The following TRAF3IP1 variants were observed in gnomAD, a reference collection of about 807,000 sequenced individuals.
TRAF3IP1 encodes the protein TRAF3-interacting protein 1.
In TRAF3IP1, 53 loss-of-function variants were observed where a neutral mutation model predicts 89.9. The observed-to-expected ratio is 0.59, with a 90% CI of 0.47 to 0.74. TRAF3IP1 has a LOEUF of 0.74. Ranked by LOEUF, TRAF3IP1 falls within the 30% of genes least tolerant of loss-of-function variation. The probability of loss-of-function intolerance (pLI) is 0.00; values close to 1 mark genes in which losing one functional copy is unlikely to be tolerated. For synonymous variants in TRAF3IP1, 311 were observed against 322.1 expected, an observed-to-expected ratio of 0.97 and a Z score of 0.37; for missense variants, 806 against 866.1, an observed-to-expected ratio of 0.93 and a Z score of 0.87.
At chr2:238,368,310 T>G (rs1699971023) in intron 15 of TRAF3IP1, among the ~76,000 whole-genome samples, 2 of 152,300 alleles carry the variant, frequency 1.3e-5, no homozygotes, top group Admixed American at 1.3e-4. Flanking sequence ...TATTTTAGAG[T>G]AAAGAAACAC....
At chr2:238,363,143 A>G (rs1160024293) in intron 15 of TRAF3IP1, among the ~76,000 whole-genome samples, 1 of 152,230 alleles carries the variant, frequency 6.6e-6, no homozygotes, top group Non-Finnish European at 1.5e-5. Context: ...GCAAAGAATC[A>G]ACTTTCAGTT....
chr2:238,331,207 TC>T (rs1297829689), intron 5 of TRAF3IP1, among the ~76,000 whole-genome samples: 2 of 149,788 alleles, frequency 1.3e-5, no homozygotes, highest in African/African-American at 4.9e-5. Flanking sequence ...ACGCTTGTAA[TC>T]CCAGCACTTT....
chr2:238,340,182 TG>T lies in TRAF3IP1; in HGVS notation c.1159+1729del, dbSNP rs1698574138. Among the ~76,000 whole-genome samples the T allele has an allele frequency of 1.1e-4, 16 of 152,308 alleles. 1 individual carries two copies. In the South Asian group the frequency reaches 3.3e-3, roughly 32 times the overall value. ...CTAGGGTCCTGCCACAGCGCGGACC[TG>T]GGGTCTCTGTCCTCGCAGTTGCAGG... is the stretch of plus-strand genomic sequence containing the variant. On this transcript the variant is annotated intron_variant, in intron 8 of 16. Transcript: ENST00000373327.
At chr2:238,354,303 A>C (rs988687869) in intron 14 of TRAF3IP1, among the ~76,000 whole-genome samples, 6 of 152,206 alleles carry the variant, frequency 3.9e-5, no homozygotes, top group Admixed American at 2.0e-4. Context: ...CATTTCTCCA[A>C]GGCACCTGGC....
In TRAF3IP1 at chr2:238,320,645, C is replaced by A; in HGVS notation, c.-18C>A. On this transcript the variant is annotated 5_prime_UTR_variant, in exon 1 of 17. Coordinates refer to ENST00000373327, the MANE Select transcript of TRAF3IP1 (RefSeq NM_015650.4). ...CCGGCTGAGGGGCGCGGGCGGCCAGCGGGCGGCGGACGCCGTCATGAACGC... is the reference window on the plus strand; with the variant it reads ...CCGGCTGAGGGGCGCGGGCGGCCAGAGGGCGGCGGACGCCGTCATGAACGC... 2.3e-6 allele frequency: 3 copies of A among 1,325,668 alleles called. No individual in the cohort carries two copies. Among genetic ancestry groups the A allele is most frequent in the Non-Finnish European group, 2.9e-6 (3 of 1,019,836 alleles). The allele number at this position is 1,325,668 out of a possible 1,614,324, so 82.1% of individuals were successfully genotyped here.
chr2:238,366,839 G>A (rs1699896631), intron 15 of TRAF3IP1, among the ~76,000 whole-genome samples: 1 of 152,134 alleles, frequency 6.6e-6, no homozygotes, highest in Non-Finnish European at 1.5e-5. Context: ...ATGGATATAT[G>A]AGGGAATGAT....
chr2:238,345,787 A>G lies in TRAF3IP1; in HGVS notation c.1261+1189A>G, dbSNP rs1410321092. ...AGAGTTGCTGGCGCTGGGTGATGGC[A>G]GGAGCCTGGGTGGGGACTGGGTCAC... On this transcript the variant is annotated intron_variant, in intron 9 of 16. Transcript: ENST00000373327. The surrounding 1 kb of genome is among the most constrained non-coding windows in gnomAD (Gnocchi z 4.7). Among the ~76,000 whole-genome samples the G allele has an allele frequency of 1.3e-5, 2 of 152,044 alleles. No homozygotes were observed. The highest frequency in any genetic ancestry group is 1.5e-5 in the Non-Finnish European group (1 of 67,986).
At position 238,347,406 on chromosome 2, in the gene TRAF3IP1, T is replaced by C. The variant is rs1212339404; in HGVS notation, c.1262-49T>C. 5 of 1,604,970 alleles carry C rather than the reference T, an allele frequency of 3.1e-6. No homozygotes were observed. The Admixed American group carries it at 6.7e-5, about 21-fold the overall frequency. ...AATTCTGTTCTCATCATTTAATGTA[T>C]TGAGGTTGACTACACGAAAGCTAAT... On this transcript the variant is annotated intron_variant, in intron 9 of 16. Coordinates refer to ENST00000373327, the MANE Select transcript of TRAF3IP1 (RefSeq NM_015650.4).
At chr2:238,354,949 C>T (rs1363752645) in intron 14 of TRAF3IP1, among the ~76,000 whole-genome samples, 1 of 151,040 alleles carries the variant, frequency 6.6e-6, no homozygotes, top group African/African-American at 2.4e-5. Flanking sequence ...AAGCCCAGCC[C>T]AAGGACTTTT....
At chr2:238,349,733 A>C (rs755241518) in intron 12 of TRAF3IP1, among the ~76,000 whole-genome samples, 1 of 152,344 alleles carries the variant, frequency 6.6e-6, no homozygotes, top group South Asian at 2.1e-4. Context: ...GAAAAAAATT[A>C]GGGGCTTAAT....
chr2:238,392,483 T>C (rs1363332220), intron 15 of TRAF3IP1, among the ~76,000 whole-genome samples: 2 of 152,202 alleles, frequency 1.3e-5, no homozygotes, highest in Admixed American at 1.3e-4. Flanking sequence ...GTAAAAGGAA[T>C]CCTACAGCAT....
intron 8 of TRAF3IP1, among the ~76,000 whole-genome samples, chr2:238,343,573 A>G (rs149609874): frequency 4.1e-5 from 6 of 146,194 alleles, no homozygotes; most frequent in East Asian, 2.1e-4. Flanking sequence ...AGGTTTCGCT[A>G]TGTTGCCCAG....
At chr2:238,331,644 C>T (rs1324896561) in intron 5 of TRAF3IP1, among the ~76,000 whole-genome samples, 2 of 152,112 alleles carry the variant, frequency 1.3e-5, no homozygotes, top group African/African-American at 4.8e-5. Context: ...GCGTGGATCT[C>T]GCATGGTGGT....
chr2:238,350,476 G>C (rs1699100852), intron 12 of TRAF3IP1, among the ~76,000 whole-genome samples: 1 of 152,174 alleles, frequency 6.6e-6, no homozygotes, highest in African/African-American at 2.4e-5. Flanking sequence ...AGTGTCAGAG[G>C]AGAGAGGGGC....
chr2:238,370,097 T>C (rs1700043137), intron 15 of TRAF3IP1, among the ~76,000 whole-genome samples: 1 of 152,178 alleles, frequency 6.6e-6, no homozygotes, highest in Non-Finnish European at 1.5e-5. Flanking sequence ...TTTGCCACTT[T>C]TGGAGGTTCA....
rs1574895080 is a variant in TRAF3IP1, at chr2:238,329,331, C to G, written c.904C>G (p.Pro302Ala). Residue 302 changes from proline to alanine, a missense_variant, in exon 5 of 17, where the codon CCT becomes GCT. Coordinates refer to ENST00000373327, the MANE Select transcript of TRAF3IP1 (RefSeq NM_015650.4). Reference sequence around the variant, plus strand: ...GGAGAAGAACAGAGAGCATGACAAACCTGAGAAAAAGGTAAAGTCTTGCTG... The same window carrying G: ...GGAGAAGAACAGAGAGCATGACAAAGCTGAGAAAAAGGTAAAGTCTTGCTG... The part of the protein sequence containing the change: ...DREKNREHDK[P>A]EKKSASSGEM... 7.3e-7 allele frequency: 1 copy of G among 1,362,118 alleles called. No homozygotes were observed. Among genetic ancestry groups the G allele is most frequent in the East Asian group, 2.6e-5 (1 of 38,120 alleles). 84.4% of individuals were successfully genotyped at this position (1,362,118 alleles called of 1,614,324 possible). A position where few individuals can be genotyped will look rare whatever the true frequency, so the allele number is the denominator to read the frequency against.
chr2:238,355,501 G>A (rs973243316), intron 14 of TRAF3IP1, among the ~76,000 whole-genome samples: 43 of 152,334 alleles, frequency 2.8e-4, no homozygotes, highest in Middle Eastern at 6.8e-3. Context: ...GTCCTCCACC[G>A]TGTGGACGTA....
At chr2:238,348,923 T>A (rs1460485722) in intron 11 of TRAF3IP1, 75 bp downstream of exon 11, 2 of 1,287,396 alleles carry the variant, frequency 1.6e-6, no homozygotes, top group African/African-American at 2.9e-5. Flanking sequence ...TCTTTCTGGC[T>A]GCTGCTATTT....
In TRAF3IP1 at chr2:238,351,194, A is replaced by G. The variant is rs1559370758; in HGVS notation, c.1452-1633A>G. Among the ~76,000 whole-genome samples the G allele has an allele frequency of 6.6e-6, 1 of 152,096 alleles. No homozygotes were observed. Among genetic ancestry groups the G allele is most frequent in the Non-Finnish European group, 1.5e-5 (1 of 68,012 alleles). On this transcript the variant is annotated intron_variant, in intron 12 of 16. Coordinates refer to ENST00000373327, the MANE Select transcript of TRAF3IP1 (RefSeq NM_015650.4). The surrounding 1 kb of genome is among the most constrained non-coding windows in gnomAD (Gnocchi z 5.2). The stretch of plus-strand genomic sequence containing the variant: ...GTGTGGGAGGTGGGATCATCCCAGC[A>G]GGGTTCAGGGACCCAAGGCCAGGAT...
Sources: allele counts gnomAD v4.1 joint callset (sites outside exome capture counted in the v4.1 genomes callset), GRCh38; gene constraint gnomAD v4.1.1; non-coding constraint Gnocchi (gnomAD v3.1); transcripts MANE v1.5; gene names NCBI Gene and HGNC (gene_info 2026-07-23, HGNC 2026-07-21).